Variants in SHISA6 observed in about 807,000 individuals in gnomAD.
The protein encoded by SHISA6 is protein shisa-6.
SHISA6 carries 22 observed loss-of-function variants against 47.9 expected under a neutral mutation model. The ratio of observed to expected loss-of-function variants is 0.46; its 90% confidence interval spans 0.33 to 0.66. SHISA6 has a LOEUF of 0.66. SHISA6 is among the 30% of genes least tolerant of loss of function. The pLI is 0.02. For synonymous variants in SHISA6, 388 were observed against 337.8 expected (o/e 1.15, Z -1.63); for missense variants, 680 against 764.6 (o/e 0.89, Z 1.30).
rs544204257 is a variant in SHISA6 at position 11,439,565 on chromosome 17, T to G, written c.895+60056T>G. Reference sequence around the variant, plus strand: ...TCATGAATTTACAACTTACTAATTGTGTGACCTTAAGCAACTGACACCGTT... The same window carrying G: ...TCATGAATTTACAACTTACTAATTGGGTGACCTTAAGCAACTGACACCGTT... On this transcript the variant is annotated intron_variant, in intron 3 of 5. Coordinates refer to ENST00000441885, the MANE Select transcript of SHISA6 (RefSeq NM_207386.4). Among the ~76,000 whole-genome samples, 43 of 152,282 alleles carry G rather than the reference T, an allele frequency of 2.8e-4. 1 individual carries two copies. The South Asian group carries it at 8.9e-3, about 32-fold the overall frequency.
At chr17:11,555,567 T>G (rs2142390378) in intron 4 of SHISA6, among the ~76,000 whole-genome samples, 173 bp from the exon 5 acceptor site, 1 of 151,994 alleles carries the variant, frequency 6.6e-6, no homozygotes, top group Admixed American at 6.5e-5. Context: ...GCCCCTAGGC[T>G]TATTGACAAC....
Position 11,307,161 on chromosome 17 carries a change from C to CT in SHISA6, c.799+43645dup, listed in dbSNP as rs535717755. On this transcript the variant is annotated intron_variant, in intron 2 of 5. Coordinates refer to ENST00000441885, the MANE Select transcript of SHISA6 (RefSeq NM_207386.4). ...TTGTTTTCTTTTTTTTTCTTTTTTT[C>CT]TTTTTTTTTTATTATACTTTAAGTT... 4.9e-3 allele frequency among the ~76,000 whole-genome samples: 659 copies of CT among 133,458 alleles called. 2 individuals carry two copies. The highest frequency in any genetic ancestry group is 0.015 in the East Asian group (68 of 4,550). The allele number at this position is 133,458 out of a possible 152,430, so 87.6% of individuals were successfully genotyped here.
Position 11,241,530 on chromosome 17 carries a change from T to C in SHISA6, c.108T>C (p.Ser36=), listed in dbSNP as rs1447301344. 6 of 1,105,378 alleles carry C rather than the reference T, an allele frequency of 5.4e-6. No individual in the cohort carries two copies. The highest frequency in any genetic ancestry group is 6.6e-6 in the Non-Finnish European group (6 of 908,362). The allele number at this position is 1,105,378 out of a possible 1,614,324, so 68.5% of individuals were successfully genotyped here. ...GCCGCGCCGCCAACCGGACCCTGAG[T>C]GCAGGCGGCGCTGCCGTCGGGGGCC... The part of the protein sequence containing the change: ...ARGRAANRTL[S]AGGAAVGGRR... Residue 36 remains serine, a synonymous_variant, in exon 1 of 6, where the codon AGT becomes AGC. Transcript: ENST00000441885. The surrounding 1 kb of genome is among the most constrained non-coding windows in gnomAD (Gnocchi z 5.5).
intron 1 of SHISA6, among the ~76,000 whole-genome samples, chr17:11,245,749 T>TC (rs1555570400): frequency 2.0e-4 from 22 of 110,484 alleles, no homozygotes; most frequent in South Asian, 3.3e-4. Context: ...GTGGGCAGGG[T>TC]GGGGGGGGTG....
chr17:11,300,509 TGG>T (rs1274172483), intron 2 of SHISA6, among the ~76,000 whole-genome samples: 9 of 152,178 alleles, frequency 5.9e-5, no homozygotes, highest in Non-Finnish European at 1.0e-4. Context: ...ATGAAGCCTG[TGG>T]GCCATTTTCA....
chr17:11,496,883 T>C (rs966814829), intron 3 of SHISA6, among the ~76,000 whole-genome samples: 1 of 152,194 alleles, frequency 6.6e-6, no homozygotes, highest in Non-Finnish European at 1.5e-5. Flanking sequence ...CATTTCCATG[T>C]GGGAATGCAG....
intron 2 of SHISA6, among the ~76,000 whole-genome samples, chr17:11,325,653 T>C (rs954269062): frequency 2.2e-4 from 33 of 151,110 alleles, no homozygotes; most frequent in African/African-American, 7.8e-4. Context: ...TCACGTTTTA[T>C]AGTCTAGAGA....
intron 3 of SHISA6, among the ~76,000 whole-genome samples, chr17:11,493,581 G>A (rs572146816): frequency 6.0e-5 from 9 of 148,864 alleles, no homozygotes; most frequent in African/African-American, 2.2e-4. Flanking sequence ...GCGTGCGCGC[G>A]CACACACACA....
chr17:11,346,188 T>G (rs1911694750), intron 2 of SHISA6, among the ~76,000 whole-genome samples: 1 of 152,196 alleles, frequency 6.6e-6, no homozygotes, highest in South Asian at 2.1e-4. Context: ...GTGCTTTTTC[T>G]GCATCTTTTG....
intron 3 of SHISA6, among the ~76,000 whole-genome samples, chr17:11,445,126 C>G (rs535234045): frequency 5.3e-5 from 8 of 152,066 alleles, no homozygotes; most frequent in Non-Finnish European, 8.8e-5. Flanking sequence ...ATCTCAAGAT[C>G]AGGGACGTTT....
chr17:11,382,073 T>TAGAGAG (rs112046629), intron 3 of SHISA6, among the ~76,000 whole-genome samples: 17 of 150,258 alleles, frequency 1.1e-4, no homozygotes, highest in African/African-American at 4.1e-4. Context: ...TTCCGTTTTT[T>TAGAGAG]AGAGAGAGAG....
chr17:11,485,579 A>G (rs1281354087), intron 3 of SHISA6, among the ~76,000 whole-genome samples: 1 of 152,182 alleles, frequency 6.6e-6, no homozygotes, highest in Non-Finnish European at 1.5e-5. Flanking sequence ...TGGCCAACGT[A>G]GACGGCCACG....
intron 2 of SHISA6, among the ~76,000 whole-genome samples, chr17:11,304,799 G>C (rs115241146): frequency 1.3e-5 from 2 of 151,678 alleles, no homozygotes; most frequent in African/African-American, 4.8e-5. Context: ...AACTGTTCCC[G>C]GTAGGAGCTG....
rs1909659854 is a variant in SHISA6, at chr17:11,294,238, A to C, written c.799+30712A>C. On this transcript the variant is annotated intron_variant, in intron 2 of 5. Transcript: ENST00000441885. Reference sequence around the variant, plus strand: ...GGGGATATCAGCTCGAATGACTCCAACAAAACCTTCAGAGATACCCAAAGG... The same window carrying C: ...GGGGATATCAGCTCGAATGACTCCACCAAAACCTTCAGAGATACCCAAAGG... 2.0e-5 allele frequency among the ~76,000 whole-genome samples: 3 copies of C among 152,182 alleles called. No homozygotes were observed. The South Asian group carries it at 6.2e-4, about 32-fold the overall frequency.
chr17:11,245,621 A>C (rs1907545530), intron 1 of SHISA6, among the ~76,000 whole-genome samples: 1 of 151,790 alleles, frequency 6.6e-6, no homozygotes, highest in African/African-American at 2.4e-5. Flanking sequence ...GGCTTTTTTT[A>C]ATGGCTAATT....
At chr17:11,337,660 C>T (rs977710684) in intron 2 of SHISA6, among the ~76,000 whole-genome samples, 3 of 152,140 alleles carry the variant, frequency 2.0e-5, no homozygotes, top group South Asian at 2.1e-4. Flanking sequence ...TATAGGTTAC[C>T]TGCTCCAAGA....
At chr17:11,436,607 T>C (rs1238665336) in intron 3 of SHISA6, among the ~76,000 whole-genome samples, 1 of 152,200 alleles carries the variant, frequency 6.6e-6, no homozygotes, top group East Asian at 1.9e-4. Context: ...TTAATGTGCT[T>C]TTTCTGCTCG....
intron 2 of SHISA6, among the ~76,000 whole-genome samples, chr17:11,353,786 G>A (rs550431267): frequency 1.1e-4 from 16 of 152,276 alleles, no homozygotes; most frequent in Admixed American, 1.0e-3. Context: ...TGAAATGGAA[G>A]ACATCATTCC....
chr17:11,397,746 TA>T (rs1913623332), intron 3 of SHISA6, among the ~76,000 whole-genome samples: 1 of 152,144 alleles, frequency 6.6e-6, no homozygotes, highest in African/African-American at 2.4e-5. Context: ...TCTTTTTGTT[TA>T]AAAGGCTTGA....
Sources: gnomAD v4.1 joint callset for allele counts (sites outside exome capture counted in the v4.1 genomes callset) on GRCh38, gnomAD v4.1.1 for gene constraint, Gnocchi (gnomAD v3.1) non-coding constraint, MANE v1.5 for transcripts, NCBI Gene and HGNC (gene_info 2026-07-23, HGNC 2026-07-21) for gene names.